SOX5: variants seen among roughly 807,000 people sequenced by gnomAD.
SOX5 encodes transcription factor SOX-5.
Under a neutral mutation model 92.0 loss-of-function variants are expected in SOX5, and 9 were observed. The ratio of observed to expected loss-of-function variants is 0.10; its 90% CI spans 0.06 to 0.17. SOX5 has a LOEUF of 0.17. Ranked by LOEUF, SOX5 falls within the 10% of genes least tolerant of loss-of-function variation. The pLI, the probability that SOX5 is intolerant of heterozygous loss-of-function variation, is 1.00. For synonymous variants in SOX5, 344 were observed against 336.3 expected (o/e 1.02, Z -0.25); for missense variants, 642 against 944.5 (o/e 0.68, Z 4.20).
At chr12:23,960,507 T>TTATATACATATA (rs1569274386) in intron 4 of SOX5, among the ~76,000 whole-genome samples, 2 of 118,654 alleles carry the variant, frequency 1.7e-5, no homozygotes, top group African/African-American at 5.7e-5. Context: ...ACATATATAT[T>TTATATACATATA]TATATACATA....
chr12:24,443,124 T>C (rs2137215843), intron 1 of SOX5, among the ~76,000 whole-genome samples: 1 of 152,096 alleles, frequency 6.6e-6, no homozygotes, highest in South Asian at 2.1e-4. Context: ...GCTAATTTTT[T>C]GTATTTTAGT....
intron 2 of SOX5, among the ~76,000 whole-genome samples, chr12:23,862,658 C>T (rs558013746): frequency 2.6e-4 from 40 of 152,196 alleles, no homozygotes; most frequent in African/African-American, 9.1e-4. Flanking sequence ...TACATTCCAA[C>T]GAATAATAAT....
At chr12:23,706,771 G>C (rs2091442852) in intron 6 of SOX5, among the ~76,000 whole-genome samples, 2 of 151,634 alleles carry the variant, frequency 1.3e-5, no homozygotes, top group South Asian at 4.2e-4. Context: ...AGAGAACTTT[G>C]ACATAAAGTG....
intron 1 of SOX5, among the ~76,000 whole-genome samples, chr12:23,916,663 T>C (rs1245445291): frequency 6.6e-6 from 1 of 152,224 alleles, no homozygotes; most frequent in East Asian, 1.9e-4. Flanking sequence ...AATATTGTTT[T>C]AATTGCAAAC....
chr12:24,157,287 C>A (rs1952282083), intron 4 of SOX5, among the ~76,000 whole-genome samples: 1 of 151,970 alleles, frequency 6.6e-6, no homozygotes, highest in Non-Finnish European at 1.5e-5. Flanking sequence ...TAAATTAATG[C>A]CCAGAATTGC....
intron 4 of SOX5, among the ~76,000 whole-genome samples, chr12:24,039,512 T>C (rs1208900860): frequency 2.6e-5 from 4 of 152,030 alleles, no homozygotes; most frequent in African/African-American, 7.2e-5. Context: ...AAAATAAAAA[T>C]AAAACATTCT....
chr12:24,025,275 G>C (rs529097599), intron 4 of SOX5, among the ~76,000 whole-genome samples: 1 of 151,900 alleles, frequency 6.6e-6, no homozygotes, highest in African/African-American at 2.4e-5. Context: ...AATCCAAAGC[G>C]GAGGCCACCA....
rs12317352 is a variant in SOX5 at position 23,749,021 on chromosome 12, A to G, written c.568+6617T>C. 2.9e-3 allele frequency among the ~76,000 whole-genome samples: 438 copies of G among 152,052 alleles called. 3 individuals are homozygous for G. Among genetic ancestry groups the G allele is most frequent in the African/African-American group, 9.9e-3 (412 of 41,544 alleles). ...ACATGAATAAAAACTAAGTTAGTCT[A>G]AATTTATAATGGAAGCTTCTTTCAG... On this transcript the variant is annotated intron_variant, in intron 4 of 14. Transcript: ENST00000451604.
At chr12:23,964,493 C>T (rs1180560362) in intron 4 of SOX5, among the ~76,000 whole-genome samples, 1 of 152,104 alleles carries the variant, frequency 6.6e-6, no homozygotes, top group Non-Finnish European at 1.5e-5. Context: ...ATATAGGATA[C>T]CCACAAGTAT....
At chr12:23,636,484 T>G (rs1185543273) in intron 8 of SOX5, among the ~76,000 whole-genome samples, 1 of 152,194 alleles carries the variant, frequency 6.6e-6, no homozygotes, top group East Asian at 1.9e-4. Context: ...TATCATAATA[T>G]TATCCAAGTT....
At chr12:24,098,086 G>A (rs151098782) in intron 4 of SOX5, among the ~76,000 whole-genome samples, 14 of 152,242 alleles carry the variant, frequency 9.2e-5, no homozygotes, top group African/African-American at 3.4e-4. Flanking sequence ...ATGCTTGGAA[G>A]TAGGTAGGTA....
intron 4 of SOX5, among the ~76,000 whole-genome samples, chr12:24,030,398 C>T (rs981337265): frequency 4.0e-5 from 6 of 151,820 alleles, no homozygotes. Flanking sequence ...CAGGCATTTG[C>T]AGCCAACTGA....
chr12:23,602,192 A>G (rs1160442898), intron 9 of SOX5, among the ~76,000 whole-genome samples: 1 of 152,200 alleles, frequency 6.6e-6, no homozygotes, highest in African/African-American at 2.4e-5. Context: ...CTTGTATTAA[A>G]TAAACAGAGG....
intron 2 of SOX5, among the ~76,000 whole-genome samples, chr12:24,317,807 AAC>A (rs1949839356): frequency 6.6e-6 from 1 of 152,200 alleles, no homozygotes; most frequent in South Asian, 2.1e-4. Context: ...ACTCTTTGTT[AAC>A]ACTCTCAATG....
At chr12:23,536,269 A>G (rs149917172) in intron 14 of SOX5, among the ~76,000 whole-genome samples, 184 bp downstream of exon 14, 68 of 152,320 alleles carry the variant, frequency 4.5e-4, no homozygotes, top group African/African-American at 1.6e-3. Context: ...AGAGCTAGGA[A>G]CTTGCAGTGG....
intron 4 of SOX5, among the ~76,000 whole-genome samples, chr12:24,130,939 G>C (rs924575208): frequency 6.6e-6 from 1 of 152,166 alleles, no homozygotes; most frequent in African/African-American, 2.4e-5. Flanking sequence ...ACAGCCACAA[G>C]TGACTCACTG....
chr12:24,313,624 C>A (rs1320721876), intron 2 of SOX5, among the ~76,000 whole-genome samples: 1 of 152,208 alleles, frequency 6.6e-6, no homozygotes, highest in Non-Finnish European at 1.5e-5. Flanking sequence ...ATCACTCGTG[C>A]TCCTTGTTTC....
At chr12:23,738,537 G>A (rs1415219167) in intron 5 of SOX5, 2 of 152,106 alleles carry the variant, frequency 1.3e-5, no homozygotes, top group Admixed American at 6.6e-5. Context: ...GAACTTAGGG[G>A]TTTGTAAAGT....
chr12:23,541,511 A>C (rs1054335820), intron 13 of SOX5, among the ~76,000 whole-genome samples: 3 of 152,216 alleles, frequency 2.0e-5, no homozygotes, highest in African/African-American at 7.2e-5. Context: ...GGAAGGTAGA[A>C]TATAGTCACA....
Sources: allele counts gnomAD v4.1 joint callset (sites outside exome capture counted in the v4.1 genomes callset), GRCh38; gene constraint gnomAD v4.1.1; transcripts MANE v1.5; gene names NCBI Gene and HGNC (gene_info 2026-07-23, HGNC 2026-07-21).